The following SAMD12 variants were observed in gnomAD, a reference collection of about 807,000 sequenced individuals.
SAMD12 encodes the protein sterile alpha motif domain containing 12, also known as sterile alpha motif domain-containing protein 12.
In SAMD12, 9 loss-of-function variants were observed where a neutral mutation model predicts 15.0. The ratio of observed to expected loss-of-function variants is 0.60; its 90% CI spans 0.36 to 1.05. SAMD12 has a LOEUF of 1.05. Among genes scored for constraint, SAMD12 ranks in the 50% least tolerant of loss-of-function variants. The probability of loss-of-function intolerance (pLI) is 0.01; values close to 1 mark genes in which losing one functional copy is unlikely to be tolerated. For synonymous variants in SAMD12, 86 were observed against 90.1 expected (o/e 0.96, Z 0.25); for missense variants, 230 against 234.2 (o/e 0.98, Z 0.12).
At chr8:118,255,726 T>G (rs541195622) in intron 4 of SAMD12, among the ~76,000 whole-genome samples, 7,222 of 151,850 alleles carry the variant, frequency 0.048, 534 homozygotes, top group African/African-American at 0.16. Flanking sequence ...GGTGTATATG[T>G]GCCACATTTT....
chr8:118,492,382 A>G (rs927774791), intron 2 of SAMD12, among the ~76,000 whole-genome samples: 3 of 152,190 alleles, frequency 2.0e-5, no homozygotes, highest in Admixed American at 1.3e-4. Context: ...TGACAGAAAC[A>G]TGTATTGCAC....
Position 118,367,503 on chromosome 8 carries a change from C to T in SAMD12, c.433+12057G>A, listed in dbSNP as rs189659028. On this transcript the variant is annotated intron_variant, in intron 4 of 4. Transcript: ENST00000409003. ...AGTAATTTAAGATCCTTCAAATCCACAGTCAAGCCACAAGGTCAAGGTGAC... is the reference window on the plus strand; with the variant it reads ...AGTAATTTAAGATCCTTCAAATCCATAGTCAAGCCACAAGGTCAAGGTGAC... 2.1e-3 allele frequency among the ~76,000 whole-genome samples: 315 copies of T among 152,318 alleles called. 2 individuals are homozygous for T. Among genetic ancestry groups the T allele is most frequent in the African/African-American group, 7.1e-3 (296 of 41,572 alleles).
At chr8:118,307,099 G>C (rs1322411425) in intron 4 of SAMD12, among the ~76,000 whole-genome samples, 1 of 152,152 alleles carries the variant, frequency 6.6e-6, no homozygotes, top group East Asian at 1.9e-4. Flanking sequence ...GTAAAATGGA[G>C]AACCAGCATG....
intron 2 of SAMD12, among the ~76,000 whole-genome samples, chr8:118,507,675 T>C (rs1824957916): frequency 6.6e-6 from 1 of 152,226 alleles, no homozygotes. Flanking sequence ...CTTATGAAAG[T>C]AGTACAACTG....
intron 3 of SAMD12, among the ~76,000 whole-genome samples, chr8:118,399,804 A>G (rs1820780222): frequency 6.6e-6 from 1 of 152,178 alleles, no homozygotes; most frequent in African/African-American, 2.4e-5. Context: ...GGGGTACCCA[A>G]TCGATTGTCA....
intron 2 of SAMD12, among the ~76,000 whole-genome samples, chr8:118,498,159 G>A (rs1031030021): frequency 6.6e-6 from 1 of 152,142 alleles, no homozygotes; most frequent in Non-Finnish European, 1.5e-5. Flanking sequence ...GATTCCAGCT[G>A]AGACAAATTT....
intron 3 of SAMD12, among the ~76,000 whole-genome samples, chr8:118,406,151 G>C (rs542244878): frequency 9.9e-5 from 15 of 150,808 alleles, no homozygotes; most frequent in African/African-American, 3.4e-4. Context: ...GACCCTCCCT[G>C]ACATGCCTGT....
chr8:118,227,028 A>C (rs368122855), intron 4 of SAMD12, among the ~76,000 whole-genome samples: 1 of 152,200 alleles, frequency 6.6e-6, no homozygotes, highest in Admixed American at 6.5e-5. Flanking sequence ...ATATACCTAG[A>C]AGAGTATAAA....
chr8:118,240,074 T>A (rs796346432), intron 4 of SAMD12: 10 of 152,266 alleles, frequency 6.6e-5, no homozygotes, highest in African/African-American at 2.2e-4. Flanking sequence ...TCTCAGGTGA[T>A]CCTCATTAAA....
chr8:118,426,068 T>C lies in SAMD12; in HGVS notation c.322+13764A>G, dbSNP rs114443499. ...GACATCACGATGCCATGCTTTTCTA[T>C]AAAATATTTCACAGCAATGGGATAC... On this transcript the variant is annotated intron_variant, in intron 3 of 3. Coordinates refer to ENST00000314727, the MANE Select transcript of SAMD12 (RefSeq NM_207506.3). Among the ~76,000 whole-genome samples the C allele has an allele frequency of 6.9e-3, 1,050 of 152,334 alleles. 15 individuals carry two copies. Among genetic ancestry groups the C allele is most frequent in the African/African-American group, 0.022 (900 of 41,568 alleles).
chr8:118,182,738 C>T, the SAMD12 span, among the ~76,000 whole-genome samples: 1 of 152,058 alleles, frequency 6.6e-6, no homozygotes, highest in African/African-American at 2.4e-5. Context: ...AATTGAGTAA[C>T]ACATTGAACA....
chr8:118,187,439 CA>C (rs753998618), downstream of SAMD12, among the ~76,000 whole-genome samples: 160 of 152,210 alleles, frequency 1.1e-3, no homozygotes, highest in Non-Finnish European at 1.8e-3. Context: ...CAAAAAAGAT[CA>C]ATAGGAAACT....
At chr8:118,582,824 C>A (rs1245504677) in intron 1 of SAMD12, among the ~76,000 whole-genome samples, 2 of 151,552 alleles carry the variant, frequency 1.3e-5, no homozygotes, top group Admixed American at 1.3e-4. Flanking sequence ...AAATTATTAG[C>A]TGACAGAACA....
intron 1 of SAMD12, among the ~76,000 whole-genome samples, chr8:118,593,813 A>G (rs928519818): frequency 1.3e-5 from 2 of 152,196 alleles, no homozygotes; most frequent in African/African-American, 4.8e-5. Context: ...ATTGTTTGTA[A>G]TGATCTAAGT....
At chr8:118,515,108 T>A (rs975110497) in intron 2 of SAMD12, among the ~76,000 whole-genome samples, 3 of 151,448 alleles carry the variant, frequency 2.0e-5, no homozygotes, top group African/African-American at 7.3e-5. Context: ...AAGCTCCACC[T>A]CCTGGGTTCA....
exon 5 of SAMD12, chr8:118,195,388 C>T (rs1156675125): frequency 6.6e-6 from 1 of 152,168 alleles, no homozygotes; most frequent in African/African-American, 2.4e-5. Context: ...GTTAGATAAT[C>T]CAGCGTAGTG....
At chr8:118,553,035 T>C (rs1826397216) in intron 2 of SAMD12, among the ~76,000 whole-genome samples, 1 of 151,878 alleles carries the variant, frequency 6.6e-6, no homozygotes, top group South Asian at 2.1e-4. Flanking sequence ...TAAAAGAGGA[T>C]ACAAACAAAT....
chr8:118,175,043 A>C, the SAMD12 span, among the ~76,000 whole-genome samples: 3 of 146,982 alleles, frequency 2.0e-5, no homozygotes, highest in East Asian at 4.0e-4. Context: ...ACAAAAAAAA[A>C]AAAACAAAAA....
intron 2 of SAMD12, among the ~76,000 whole-genome samples, chr8:118,541,546 A>G (rs1289203019): frequency 1.3e-5 from 2 of 152,186 alleles, no homozygotes; most frequent in African/African-American, 2.4e-5. Flanking sequence ...ATAATTGTAG[A>G]CAGTAGGTAA....
Sources: gnomAD v4.1 joint callset for allele counts (sites outside exome capture counted in the v4.1 genomes callset) on GRCh38, gnomAD v4.1.1 for gene constraint, MANE v1.5 for transcripts, NCBI Gene and HGNC (gene_info 2026-07-23, HGNC 2026-07-21) for gene names.